Variants in STYXL1 observed in about 807,000 individuals in gnomAD.
STYXL1 encodes serine/threonine/tyrosine interacting like 1.
Under a neutral mutation model 36.4 loss-of-function variants are expected in STYXL1, and 32 were observed. That is an observed-to-expected ratio of 0.88 (90% CI 0.66 to 1.18). The LOEUF (loss-of-function observed/expected upper bound fraction) is 1.18. STYXL1 is among the 50% of genes most tolerant of loss of function. The probability of loss-of-function intolerance (pLI) is 0.00; values close to 1 mark genes in which losing one functional copy is unlikely to be tolerated. For missense variants in STYXL1, 354 were observed against 394.1 expected (o/e 0.90, Z 0.86); for synonymous variants, 133 against 144.1 (o/e 0.92, Z 0.55).
At chr7:76,016,055 T>C (rs1554573677) in intron 4 of STYXL1, among the ~76,000 whole-genome samples, 1 of 152,072 alleles carries the variant, frequency 6.6e-6, no homozygotes, top group Admixed American at 6.6e-5. Context: ...CACGAGTTAA[T>C]ACTCCTTAAC....
intron 3 of STYXL1, among the ~76,000 whole-genome samples, chr7:76,027,388 T>C (rs1554578034): frequency 6.6e-6 from 1 of 151,994 alleles, no homozygotes; most frequent in African/African-American, 2.4e-5. Flanking sequence ...TAGCCAATTA[T>C]CTCTAGGGTT....
chr7:76,007,449 T>A (rs782458811), intron 5 of STYXL1, among the ~76,000 whole-genome samples: 1 of 152,188 alleles, frequency 6.6e-6, no homozygotes, highest in South Asian at 2.1e-4. Flanking sequence ...TACGAGACGA[T>A]ACGCTTAGGT....
chr7:76,012,426 C>T (rs1348409304), intron 5 of STYXL1, among the ~76,000 whole-genome samples: 4 of 152,082 alleles, frequency 2.6e-5, no homozygotes, highest in African/African-American at 4.8e-5. Flanking sequence ...CAGGGTCTCA[C>T]TCTGTCACAC....
intron 5 of STYXL1, among the ~76,000 whole-genome samples, chr7:76,011,458 T>A (rs1009929224): frequency 6.6e-6 from 1 of 152,212 alleles, no homozygotes; most frequent in Non-Finnish European, 1.5e-5. Flanking sequence ...CAGTCAAACA[T>A]CCTGTGAATA....
chr7:76,012,828 G>C (rs1286291633), intron 5 of STYXL1, among the ~76,000 whole-genome samples: 1 of 152,198 alleles, frequency 6.6e-6, no homozygotes, highest in African/African-American at 2.4e-5. Flanking sequence ...CACCGTGCCT[G>C]ACCAATCCTT....
chr7:76,036,039 G>T lies in STYXL1; in HGVS notation c.-4-5512C>A, dbSNP rs1416894161. On this transcript the variant is annotated intron_variant, in intron 1 of 8. Coordinates refer to ENST00000359697, the MANE Select transcript of STYXL1 (RefSeq NM_001317785.2). ...TTAGGGCACCTCTAGCCTTGGGTAAGTTGAGGACTGAGCACAAGTAACCAT... is the reference window on the plus strand; with the variant it reads ...TTAGGGCACCTCTAGCCTTGGGTAATTTGAGGACTGAGCACAAGTAACCAT... Among the ~76,000 whole-genome samples, 2 of 150,002 alleles carry T rather than the reference G, an allele frequency of 1.3e-5. 1 individual carries two copies. Among genetic ancestry groups the T allele is most frequent in the Non-Finnish European group, 3.0e-5 (2 of 67,066 alleles).
At position 76,047,823 on chromosome 7, in the gene STYXL1, G is replaced by A; in HGVS notation, c.-166C>T. ...GCCTGGGGCCCCACCTGGAAAAATG[G>A]CTCCTCTAAGGCGCTTCCAGCCTAA... On this transcript the variant is annotated 5_prime_UTR_variant, in exon 1 of 9. Coordinates refer to ENST00000359697, the MANE Select transcript of STYXL1 (RefSeq NM_001317785.2). The A allele has an allele frequency of 5.0e-6, 5 of 999,032 alleles. No individual in the cohort carries two copies. Among genetic ancestry groups the A allele is most frequent in the Non-Finnish European group, 6.5e-6 (5 of 767,362 alleles). 61.9% of individuals were successfully genotyped at this position (999,032 alleles called of 1,614,324 possible). A position where few individuals can be genotyped will look rare whatever the true frequency, so the allele number is the denominator to read the frequency against.
intron 3 of STYXL1, among the ~76,000 whole-genome samples, chr7:76,023,711 C>T (rs1356235469): frequency 6.6e-6 from 1 of 151,784 alleles, no homozygotes; most frequent in Non-Finnish European, 1.5e-5. Flanking sequence ...TGGGTGACAG[C>T]AAGACTTGTC....
chr7:76,005,073 C>T (rs551279735), intron 6 of STYXL1, among the ~76,000 whole-genome samples, 186 bp downstream of exon 6: 56 of 147,336 alleles, frequency 3.8e-4, no homozygotes, highest in African/African-American at 1.4e-3. Flanking sequence ...TGCTAAATGA[C>T]GAGTTAATGG....
intron 5 of STYXL1, among the ~76,000 whole-genome samples, chr7:76,012,182 G>A (rs887241598): frequency 7.9e-5 from 12 of 152,142 alleles, no homozygotes; most frequent in African/African-American, 2.4e-4. Flanking sequence ...ATACTGCCCA[G>A]GCTGGTCTTG....
chr7:75,999,903 C>T (rs1286095274), intron 8 of STYXL1, among the ~76,000 whole-genome samples: 7 of 151,956 alleles, frequency 4.6e-5, no homozygotes, highest in Admixed American at 4.6e-4. Flanking sequence ...CAGAGCTGTG[C>T]AGTCAAAAGG....
intron 1 of STYXL1, among the ~76,000 whole-genome samples, chr7:76,042,034 T>G (rs117974801): frequency 6.6e-6 from 1 of 152,300 alleles, no homozygotes; most frequent in Non-Finnish European, 1.5e-5. Flanking sequence ...ATTGATGTGT[T>G]TAAGTGTTCC....
intron 1 of STYXL1, among the ~76,000 whole-genome samples, chr7:76,034,449 C>T (rs373100712): frequency 1.3e-5 from 2 of 152,212 alleles, no homozygotes; most frequent in African/African-American, 2.4e-5. Flanking sequence ...GCATGTAACA[C>T]GGCTGAGCAT....
chr7:76,005,486 A>G (rs1306495875), intron 5 of STYXL1, 82 bp from the exon 6 acceptor site: 4 of 1,391,686 alleles, frequency 2.9e-6, no homozygotes, highest in Non-Finnish European at 4.0e-6. Context: ...ACAGCTCAGC[A>G]AACGAGCGTA....
intron 1 of STYXL1, among the ~76,000 whole-genome samples, chr7:76,035,173 C>T (rs1314312074): frequency 7.3e-6 from 1 of 136,318 alleles, no homozygotes; most frequent in Admixed American, 7.2e-5. Context: ...ATCCACTTCT[C>T]TCCATCTCCA....
Position 76,013,899 on chromosome 7 carries a change from G to A in STYXL1, c.308-12C>T, listed in dbSNP as rs782374162. On this transcript the variant is annotated splice_polypyrimidine_tract_variant and intron_variant, in intron 4 of 8. Transcript: ENST00000359697. ...TTGAGGCACAAGATCTGAGAGTGGA[G>A]ACCAAAGACATGAATGTCTCCTGTG... 5.0e-6 allele frequency: 8 copies of A among 1,602,650 alleles called. No individual in the cohort carries two copies. The Admixed American group carries it at 6.8e-5, about 14-fold the overall frequency.
At chr7:76,012,370 G>A (rs527736931) in intron 5 of STYXL1, among the ~76,000 whole-genome samples, 1 of 152,110 alleles carries the variant, frequency 6.6e-6, no homozygotes, top group South Asian at 2.1e-4. Context: ...CGACCTCCTG[G>A]GCTCAAGCAA....
chr7:76,005,639 T>C (rs1365223900), intron 5 of STYXL1, among the ~76,000 whole-genome samples: 1 of 152,116 alleles, frequency 6.6e-6, no homozygotes, highest in South Asian at 2.1e-4. Context: ...GTCTCAGCAC[T>C]GGTGTCCATT....
intron 5 of STYXL1, among the ~76,000 whole-genome samples, chr7:76,007,173 C>T (rs185632852): frequency 3.9e-5 from 6 of 152,056 alleles, no homozygotes; most frequent in African/African-American, 1.4e-4. Flanking sequence ...ACATCTGTAA[C>T]CCCATCACTT....
Sources: allele counts gnomAD v4.1 joint callset (sites outside exome capture counted in the v4.1 genomes callset), GRCh38; gene constraint gnomAD v4.1.1; transcripts MANE v1.5; gene names NCBI Gene and HGNC (gene_info 2026-07-23, HGNC 2026-07-21).